MDGA2: variants seen among roughly 807,000 people sequenced by gnomAD.
MDGA2 encodes MAM domain-containing glycosylphosphatidylinositol anchor protein 2.
MDGA2 carries 40 observed loss-of-function variants against 117.8 expected under a neutral mutation model. That is an observed-to-expected ratio of 0.34 (90% CI 0.26 to 0.44). MDGA2 has a LOEUF of 0.44. Among genes scored for constraint, MDGA2 ranks in the 20% least tolerant of loss-of-function variants. The probability of loss-of-function intolerance (pLI) is 1.00; values close to 1 mark genes in which losing one functional copy is unlikely to be tolerated. For missense variants in MDGA2, 1,123 were observed against 1,250.6 expected, an observed-to-expected ratio of 0.90 and a Z score of 1.54; for synonymous variants, 452 against 439.0, an observed-to-expected ratio of 1.03 and a Z score of -0.37.
intron 2 of MDGA2, among the ~76,000 whole-genome samples, chr14:47,221,413 G>A (rs1440250318): frequency 6.6e-6 from 1 of 152,190 alleles, no homozygotes; most frequent in Non-Finnish European, 1.5e-5. Flanking sequence ...AGAGGGCCGG[G>A]CACGGTGGCT....
intron 8 of MDGA2, among the ~76,000 whole-genome samples, chr14:47,025,470 T>C (rs1434889604): frequency 6.6e-6 from 1 of 152,152 alleles, no homozygotes; most frequent in East Asian, 1.9e-4. Context: ...CTGAGGATTC[T>C]GCCAGAGTTC....
chr14:46,885,486 G>C (rs1243227712), intron 10 of MDGA2, among the ~76,000 whole-genome samples: 1 of 152,070 alleles, frequency 6.6e-6, no homozygotes, highest in Non-Finnish European at 1.5e-5. Flanking sequence ...GCCTCACAAT[G>C]AATCAAGGAA....
chr14:47,444,126 A>C (rs1223524490), intron 1 of MDGA2: 1 of 206,700 alleles, frequency 4.8e-6, no homozygotes, highest in Non-Finnish European at 1.0e-5. Context: ...AATCCCCAGG[A>C]TTTTCCCTAC....
chr14:47,662,029 A>C (rs1594969255), intron 1 of MDGA2, among the ~76,000 whole-genome samples: 1 of 151,922 alleles, frequency 6.6e-6, no homozygotes, highest in African/African-American at 2.4e-5. Context: ...GAGCCACCGC[A>C]CCCAGCCAGT....
intron 3 of MDGA2, among the ~76,000 whole-genome samples, chr14:47,190,046 C>T (rs1885052969): frequency 6.6e-6 from 1 of 152,188 alleles, no homozygotes; most frequent in Non-Finnish European, 1.5e-5. Flanking sequence ...TAGCATCTTA[C>T]AGAAGTGCTC....
intron 1 of MDGA2, among the ~76,000 whole-genome samples, chr14:47,586,398 C>T (rs1026650181): frequency 2.0e-5 from 3 of 151,794 alleles, no homozygotes; most frequent in African/African-American, 7.2e-5. Context: ...CAGATGCAGA[C>T]CCAAAATACT....
At chr14:47,130,375 C>T (rs137904995) in intron 5 of MDGA2, among the ~76,000 whole-genome samples, 3,870 of 152,048 alleles carry the variant, frequency 0.025, 68 homozygotes, top group Middle Eastern at 0.051. Flanking sequence ...GCTTGTTTTT[C>T]GAGCATTCTC....
intron 1 of MDGA2, among the ~76,000 whole-genome samples, chr14:47,673,250 G>A (rs1334239415): frequency 6.6e-6 from 1 of 152,134 alleles, no homozygotes; most frequent in Non-Finnish European, 1.5e-5. Context: ...TTCCCAGAGA[G>A]TTTGAGGACT....
chr14:46,920,053 C>A lies in MDGA2; in HGVS notation c.2197G>T (p.Ala733Ser), dbSNP rs755779884. The A allele has an allele frequency of 1.3e-6, 2 of 1,594,058 alleles. No individual in the cohort carries two copies. The highest frequency in any genetic ancestry group is 1.7e-6 in the Non-Finnish European group (2 of 1,172,030). ...SLQWTQMNPD[A>S]VDRIVAYRLG... ...CGGTATGCAACAATCCGATCCACTGCATCAGGATTCATCTGTGTCCACTGT... is the reference window on the plus strand; with the variant it reads ...CGGTATGCAACAATCCGATCCACTGAATCAGGATTCATCTGTGTCCACTGT... Residue 733 changes from alanine (A) to serine (S), a missense_variant, in exon 10 of 17, where the codon GCA (alanine) becomes TCA (serine). Ala to Ser is a moderately conservative substitution (Grantham distance 99). Around this residue, in one of 2 missense-constraint regions of MDGA2, gnomAD observed 890 missense variants for 1,050.3 expected, o/e 0.85. Transcript: ENST00000399232.
chr14:47,398,870 A>T (rs1394941578), intron 1 of MDGA2, among the ~76,000 whole-genome samples: 1 of 152,170 alleles, frequency 6.6e-6, no homozygotes, highest in East Asian at 1.9e-4. Flanking sequence ...TATTTCTAGC[A>T]TTGTATTTGT....
At chr14:47,635,978 G>A (rs767749018) in intron 1 of MDGA2, among the ~76,000 whole-genome samples, 1 of 152,140 alleles carries the variant, frequency 6.6e-6, no homozygotes, top group Non-Finnish European at 1.5e-5. Context: ...AAAAACACAG[G>A]CCATTTGCAA....
chr14:47,338,978 A>C (rs778836229), intron 1 of MDGA2, among the ~76,000 whole-genome samples: 5 of 152,144 alleles, frequency 3.3e-5, no homozygotes, highest in Admixed American at 6.6e-5. Context: ...TACCTTCATC[A>C]GGAGCTGCTC....
chr14:47,288,071 T>C (rs1454923652), intron 2 of MDGA2, among the ~76,000 whole-genome samples: 1 of 152,172 alleles, frequency 6.6e-6, no homozygotes, highest in East Asian at 1.9e-4. Flanking sequence ...AATACATTCC[T>C]GTTTTAAGCA....
intron 3 of MDGA2, among the ~76,000 whole-genome samples, chr14:47,174,295 G>T (rs980432139): frequency 6.6e-6 from 1 of 152,174 alleles, no homozygotes; most frequent in African/African-American, 2.4e-5. Context: ...GCACCAAGCG[G>T]ACCTAATAGA....
intron 1 of MDGA2, among the ~76,000 whole-genome samples, chr14:47,670,386 G>A (rs538138145): frequency 1.1e-4 from 17 of 152,260 alleles, no homozygotes; most frequent in African/African-American, 4.1e-4. Flanking sequence ...TTAAAGGCAT[G>A]ATGACCAGAA....
At chr14:47,096,356 T>C (rs567222894) in intron 6 of MDGA2, among the ~76,000 whole-genome samples, 35 of 152,140 alleles carry the variant, frequency 2.3e-4, no homozygotes, top group South Asian at 6.2e-4. Flanking sequence ...CATATGACTA[T>C]TGATATATAT....
In MDGA2 at chr14:47,674,548, G is replaced by T; in HGVS notation, c.249C>A (p.Leu83=). The stretch of plus-strand genomic sequence containing the variant: ...CTCCTTGGCCAGAGATCCCCTCCAG[G>T]AGGACTGTCAGCAGCCACACGAGAC... The part of the protein sequence containing the change: ...LYGLVWLLTV[L]LEGISGQGVY... The change falls in exon 1 of 17, where the codon CTC becomes CTA. Residue 83 remains leucine (L), a synonymous_variant. Transcript: ENST00000399232. 6.4e-7 allele frequency: 1 copy of T among 1,551,306 alleles called. No homozygotes were observed. The highest frequency in any genetic ancestry group is 8.7e-7 in the Non-Finnish European group (1 of 1,146,826).
chr14:47,291,044 T>G (rs1888870061), intron 2 of MDGA2, among the ~76,000 whole-genome samples: 1 of 152,194 alleles, frequency 6.6e-6, no homozygotes, highest in Admixed American at 6.5e-5. Context: ...AGTTCTGTGC[T>G]GTGATTCTCT....
At chr14:47,386,271 A>G (rs1891755794) in intron 1 of MDGA2, among the ~76,000 whole-genome samples, 1 of 152,014 alleles carries the variant, frequency 6.6e-6, no homozygotes, top group Non-Finnish European at 1.5e-5. Context: ...CAAGAGCAAA[A>G]CTCCACCCAA....
Sources: gnomAD v4.1 joint callset for allele counts (sites outside exome capture counted in the v4.1 genomes callset) on GRCh38, gnomAD v4.1.1 for gene constraint, gnomAD v4.1.1 regional missense constraint, MANE v1.5 for transcripts, NCBI Gene and HGNC (gene_info 2026-07-23, HGNC 2026-07-21) for gene names.